Variants in MEP1B observed in about 807,000 individuals in gnomAD.
MEP1B encodes meprin A subunit beta.
A neutral mutation model predicts 84.6 loss-of-function variants in MEP1B; 80 were observed. The ratio of observed to expected loss-of-function variants is 0.95; its 90% CI spans 0.79 to 1.14. The LOEUF (loss-of-function observed/expected upper bound fraction) is 1.14. Ranked by LOEUF, MEP1B falls within the 50% of genes most tolerant of loss-of-function variation. The pLI, the probability that MEP1B is intolerant of heterozygous loss-of-function variation, is 0.00. For missense variants in MEP1B, 766 were observed against 855.1 expected (o/e 0.90, Z 1.30); for synonymous variants, 273 against 288.1 (o/e 0.95, Z 0.53).
chr18:32,199,660 TTTCG>T (rs71177848), intron 5 of MEP1B, among the ~76,000 whole-genome samples: 2 of 96,542 alleles, frequency 2.1e-5, no homozygotes, highest in African/African-American at 5.3e-5. Flanking sequence ...CTTTTTTTCC[TTTCG>T]TTCGTTCCTT....
Position 32,213,437 on chromosome 18 carries a change from A to T in MEP1B, c.1457A>T (p.Asp486Val). 6.2e-7 allele frequency: 1 copy of T among 1,613,828 alleles called. No individual in the cohort carries two copies. Among genetic ancestry groups the T allele is most frequent in the Non-Finnish European group, 8.5e-7 (1 of 1,179,768 alleles). The change falls in exon 11 of 15, where the codon GAT becomes GTT. Residue 486 changes from aspartate to valine, a missense_variant. By Grantham distance (152) the Asp-to-Val change is radical. Transcript: ENST00000269202. ...YFHLISGAND[D>V]QLQWPCPWQQ... ...CACTTGATCTCTGGAGCCAATGATG[A>T]TCAATTACAGTGGCCATGTCCTTGG... is the stretch of plus-strand genomic sequence containing the variant.
intron 12 of MEP1B, among the ~76,000 whole-genome samples, chr18:32,215,756 G>A (rs1041837081): frequency 1.8e-4 from 28 of 152,138 alleles, no homozygotes; most frequent in African/African-American, 6.7e-4. Context: ...CCCGGGAGGC[G>A]GAGCTTGCAG....
intron 5 of MEP1B, among the ~76,000 whole-genome samples, chr18:32,197,405 G>GTTTTTTTTTTTTTTTT: frequency 7.0e-6 from 1 of 142,162 alleles, no homozygotes; most frequent in Non-Finnish European, 1.5e-5. Context: ...TTTCATTTTT[G>GTTTTTTTTTTTTTTTT]TTTTTTTTTT....
intron 9 of MEP1B, 114 bp from the exon 10 acceptor site, chr18:32,210,387 T>G: frequency 1.2e-6 from 1 of 848,864 alleles, no homozygotes; most frequent in Non-Finnish European, 1.8e-6. Flanking sequence ...TCCCTGGCGA[T>G]TTATATATGG....
In MEP1B at chr18:32,217,020, C is replaced by A; in HGVS notation, c.1789C>A (p.Gln597Lys). The A allele has an allele frequency of 6.2e-7, 1 of 1,613,952 alleles. No homozygotes were observed. The highest frequency in any genetic ancestry group is 8.5e-7 in the Non-Finnish European group (1 of 1,179,842). ...ATCTCACCTCAACTCTACACAAATC[C>A]AGCTAACACCAGCCCCTAGTGTTCA... ...DISHLNSTQI[Q>K]LTPAPSVQDL... The change falls in exon 13 of 15, where the codon CAG becomes AAG. Residue 597 changes from glutamine (Q) to lysine (K), a missense_variant. By Grantham distance (53) the Gln-to-Lys change is moderately conservative. Coordinates refer to ENST00000269202, the MANE Select transcript of MEP1B (RefSeq NM_005925.3).
rs1457343883 is a variant in MEP1B, at chr18:32,217,745, T to C, written c.1887-16T>C. 1 of 1,606,000 alleles carries C rather than the reference T, an allele frequency of 6.2e-7. No homozygotes were observed. Among genetic ancestry groups the C allele is most frequent in the Non-Finnish European group, 8.5e-7 (1 of 1,173,522 alleles). Reference sequence around the variant, plus strand: ...GATATCAACTAATAACTCTGAGTCATGCTCTCAACATGCAGGTGCCAGTCA... The same window carrying C: ...GATATCAACTAATAACTCTGAGTCACGCTCTCAACATGCAGGTGCCAGTCA... On this transcript the variant is annotated splice_polypyrimidine_tract_variant and intron_variant, in intron 13 of 14. Transcript: ENST00000269202.
intron 6 of MEP1B, chr18:32,203,323 ATG>A (rs982099735): frequency 1.2e-4 from 28 of 225,458 alleles, no homozygotes; most frequent in African/African-American, 4.5e-4. Flanking sequence ...ATGTGTATTT[ATG>A]TGTGTCCATG....
intron 12 of MEP1B, among the ~76,000 whole-genome samples, chr18:32,216,558 A>T (rs2041091419): frequency 6.6e-6 from 1 of 152,208 alleles, no homozygotes; most frequent in Admixed American, 6.5e-5. Context: ...AGTTGGTATC[A>T]GTGGCTTGTA....
intron 7 of MEP1B, among the ~76,000 whole-genome samples, chr18:32,206,964 C>A (rs1441120431): frequency 2.0e-5 from 3 of 152,186 alleles, no homozygotes; most frequent in African/African-American, 7.2e-5. Flanking sequence ...TGGTTAGCAG[C>A]ACTTTCTAGA....
chr18:32,203,581 A>C (rs2040933943), intron 6 of MEP1B, among the ~76,000 whole-genome samples: 1 of 152,186 alleles, frequency 6.6e-6, no homozygotes, highest in African/African-American at 2.4e-5. Flanking sequence ...TTTAAAGATC[A>C]CCTGGTCTGT....
At chr18:32,205,072 T>C (rs1425655679) in intron 7 of MEP1B, among the ~76,000 whole-genome samples, 1 of 152,194 alleles carries the variant, frequency 6.6e-6, no homozygotes, top group Non-Finnish European at 1.5e-5. Flanking sequence ...AAATTAGACT[T>C]ACTTATCCTG....
At chr18:32,197,981 T>C (rs1247153547) in intron 5 of MEP1B, among the ~76,000 whole-genome samples, 1 of 152,202 alleles carries the variant, frequency 6.6e-6, no homozygotes, top group Non-Finnish European at 1.5e-5. Context: ...GGAAAACATA[T>C]GGTATTTGGA....
At chr18:32,216,779 A>G (rs978394217) in intron 12 of MEP1B, among the ~76,000 whole-genome samples, 1 of 152,104 alleles carries the variant, frequency 6.6e-6, no homozygotes, top group Non-Finnish European at 1.5e-5. Context: ...GCTCACGCCT[A>G]TAATCCCAGG....
At chr18:32,200,159 C>T (rs555784352) in intron 5 of MEP1B, among the ~76,000 whole-genome samples, 37 of 151,676 alleles carry the variant, frequency 2.4e-4, no homozygotes, top group South Asian at 2.1e-3. Flanking sequence ...TAGTCTCTGG[C>T]GTATTATATG....
intron 4 of MEP1B, among the ~76,000 whole-genome samples, chr18:32,193,694 C>T (rs958729872): frequency 6.6e-6 from 1 of 152,170 alleles, no homozygotes; most frequent in Non-Finnish European, 1.5e-5. Flanking sequence ...TTCTGCTCTT[C>T]CTTCCAACAC....
chr18:32,205,531 A>G (rs1025964543), intron 7 of MEP1B, among the ~76,000 whole-genome samples: 6 of 152,340 alleles, frequency 3.9e-5, no homozygotes, highest in African/African-American at 1.4e-4. Flanking sequence ...GCAGCAAACT[A>G]AAAGATTTCT....
chr18:32,218,248 T>A (rs2041114620), intron 14 of MEP1B, among the ~76,000 whole-genome samples: 2 of 152,290 alleles, frequency 1.3e-5, no homozygotes, highest in South Asian at 4.1e-4. Context: ...GTCTGTGACC[T>A]GAAAGGCACA....
At position 32,195,498 on chromosome 18, in the gene MEP1B, C is replaced by T. The variant is rs2040843851; in HGVS notation, c.250+13C>T. 4 of 1,512,358 alleles carry T rather than the reference C, an allele frequency of 2.6e-6. No individual in the cohort carries two copies. 93.7% of individuals were successfully genotyped at this position (1,512,358 alleles called of 1,614,324 possible). On this transcript the variant is annotated intron_variant, in intron 5 of 14. Coordinates refer to ENST00000269202, the MANE Select transcript of MEP1B (RefSeq NM_005925.3). ...GAAGATAGCTTGGGTTAGTATGCACCTTGAAGTATCCATAACTAATGTCTA... is the reference window on the plus strand; with the variant it reads ...GAAGATAGCTTGGGTTAGTATGCACTTTGAAGTATCCATAACTAATGTCTA...
At chr18:32,215,577 C>A (rs905913969) in intron 12 of MEP1B, among the ~76,000 whole-genome samples, 1 of 152,164 alleles carries the variant, frequency 6.6e-6, no homozygotes, top group Non-Finnish European at 1.5e-5. Context: ...GTAATCCCAG[C>A]GCTTTGGGAG....
Sources: allele counts gnomAD v4.1 joint callset (sites outside exome capture counted in the v4.1 genomes callset), GRCh38; gene constraint gnomAD v4.1.1; transcripts MANE v1.5; gene names NCBI Gene and HGNC (gene_info 2026-07-23, HGNC 2026-07-21).